TMCC1: variants seen among roughly 807,000 people sequenced by gnomAD.
The protein encoded by TMCC1 is transmembrane and coiled-coil domains protein 1.
A neutral mutation model predicts 52.4 loss-of-function variants in TMCC1; 15 were observed. The observed-to-expected ratio is 0.29, with a 90% confidence interval of 0.19 to 0.44. The LOEUF is 0.44. Ranked by LOEUF, TMCC1 falls within the 20% of genes least tolerant of loss-of-function variation. The pLI is 1.00. For missense variants in TMCC1, 503 were observed against 806.0 expected, an observed-to-expected ratio of 0.62 and a Z score of 4.55; for synonymous variants, 279 against 301.9, an observed-to-expected ratio of 0.92 and a Z score of 0.79.
rs754990199 is a variant in TMCC1, at chr3:129,670,649, C to T, written c.1192G>A (p.Val398Met). Reference sequence around the variant, plus strand: ...CCCAAAGCCTTCCCCGCATCATCCACTTGCCCTTCCTCTAAAGAGTCCTTC... The same window carrying T: ...CCCAAAGCCTTCCCCGCATCATCCATTTGCCCTTCCTCTAAAGAGTCCTTC... ...NLKDSLEEGQ[V>M]DDAGKALGVI... The change falls in exon 5 of 7, where the codon GTG becomes ATG. Residue 398 changes from valine (V) to methionine (M), a missense_variant. By Grantham distance (21) the Val-to-Met change is conservative. Transcript: ENST00000393238. The T allele has an allele frequency of 3.1e-6, 5 of 1,614,254 alleles. No individual in the cohort carries two copies. The South Asian group carries it at 5.5e-5, about 18-fold the overall frequency.
intron 4 of TMCC1, among the ~76,000 whole-genome samples, chr3:129,705,671 C>T (rs529698767): frequency 1.1e-4 from 16 of 148,792 alleles, no homozygotes; most frequent in African/African-American, 1.7e-4. Context: ...GGCGCCATCT[C>T]GGCTCACTGC....
At chr3:129,731,761 C>T (rs2050562581) in intron 4 of TMCC1, among the ~76,000 whole-genome samples, 1 of 151,914 alleles carries the variant, frequency 6.6e-6, no homozygotes, top group Admixed American at 6.6e-5. Context: ...GCTGAGACTA[C>T]AGGTGTCAGC....
intron 4 of TMCC1, among the ~76,000 whole-genome samples, chr3:129,769,252 C>T (rs991497392): frequency 2.6e-5 from 4 of 152,182 alleles, no homozygotes; most frequent in East Asian, 1.9e-4. Flanking sequence ...TGTTTTGAGA[C>T]GGAGTCTCGC....
intron 4 of TMCC1, among the ~76,000 whole-genome samples, chr3:129,718,895 G>A (rs890359491): frequency 7.2e-5 from 11 of 152,140 alleles, no homozygotes; most frequent in East Asian, 3.8e-4. Context: ...TGTTAGTTAA[G>A]CTTTGGGGGA....
chr3:129,887,568 A>G (rs190731748), intron 1 of TMCC1, among the ~76,000 whole-genome samples: 1 of 151,958 alleles, frequency 6.6e-6, no homozygotes, highest in East Asian at 1.9e-4. Context: ...ACAACAAAAA[A>G]GAACTTCTAA....
chr3:129,823,220 G>A lies in TMCC1; in HGVS notation c.576+4583C>T, dbSNP rs552300760. ...GTGCGCCTGTAATCTCAGCTACTTGGGAGGCTGAGGCAGGAGAATCGCTTG... is the reference window on the plus strand; with the variant it reads ...GTGCGCCTGTAATCTCAGCTACTTGAGAGGCTGAGGCAGGAGAATCGCTTG... On this transcript the variant is annotated intron_variant, in intron 4 of 6. Coordinates refer to ENST00000393238, the MANE Select transcript of TMCC1 (RefSeq NM_001017395.5). Among the ~76,000 whole-genome samples the A allele has an allele frequency of 2.0e-5, 3 of 152,080 alleles. No homozygotes were observed. In the East Asian group the frequency reaches 5.8e-4, roughly 29 times the overall value.
chr3:129,826,792 A>C (rs952328578), intron 4 of TMCC1, among the ~76,000 whole-genome samples: 1 of 152,212 alleles, frequency 6.6e-6, no homozygotes, highest in African/African-American at 2.4e-5. Context: ...AATAAAAAAA[A>C]ACCTAACTGT....
At chr3:129,860,429 G>T (rs535407371) in intron 2 of TMCC1, among the ~76,000 whole-genome samples, 1 of 152,008 alleles carries the variant, frequency 6.6e-6, no homozygotes, top group East Asian at 1.9e-4. Context: ...GCGGTGGGGG[G>T]AAACGGGTAA....
At chr3:129,691,271 T>C (rs1452178384) in intron 4 of TMCC1, among the ~76,000 whole-genome samples, 1 of 152,210 alleles carries the variant, frequency 6.6e-6, no homozygotes, top group Non-Finnish European at 1.5e-5. Flanking sequence ...ATTCTGGCTC[T>C]GCGTGGTGGC....
At chr3:129,688,918 G>T (rs2089611426) in intron 4 of TMCC1, among the ~76,000 whole-genome samples, 1 of 152,152 alleles carries the variant, frequency 6.6e-6, no homozygotes, top group African/African-American at 2.4e-5. Context: ...GCTTAAAGAA[G>T]ATTAAAAACA....
intron 4 of TMCC1, among the ~76,000 whole-genome samples, chr3:129,724,734 A>G (rs1326099687): frequency 6.6e-6 from 1 of 152,222 alleles, no homozygotes; most frequent in African/African-American, 2.4e-5. Flanking sequence ...AGGGCAATGC[A>G]GACATTCCTT....
At chr3:129,841,627 G>A (rs565181041) in intron 2 of TMCC1, among the ~76,000 whole-genome samples, 1 of 152,300 alleles carries the variant, frequency 6.6e-6, no homozygotes. Context: ...TATGTCATAT[G>A]TGTTCACAAA....
chr3:129,882,745 T>A (rs916751994), intron 1 of TMCC1, among the ~76,000 whole-genome samples: 1 of 152,164 alleles, frequency 6.6e-6, no homozygotes, highest in Admixed American at 6.5e-5. Context: ...CTTCAGGACA[T>A]TATATTAAGT....
At chr3:129,892,370 T>G (rs990625970) in intron 1 of TMCC1, among the ~76,000 whole-genome samples, 2 of 152,234 alleles carry the variant, frequency 1.3e-5, no homozygotes, top group Middle Eastern at 3.2e-3. Flanking sequence ...ATCCCATCTA[T>G]AAGCATCGTT....
At chr3:129,779,370 T>C (rs1168304740) in intron 4 of TMCC1, among the ~76,000 whole-genome samples, 1 of 152,180 alleles carries the variant, frequency 6.6e-6, no homozygotes, top group Non-Finnish European at 1.5e-5. Context: ...AAAACAATCC[T>C]TGAGTTCTTA....
intron 2 of TMCC1, among the ~76,000 whole-genome samples, chr3:129,846,591 T>C (rs965717529): frequency 6.6e-6 from 1 of 152,196 alleles, no homozygotes; most frequent in Non-Finnish European, 1.5e-5. Flanking sequence ...GCAACATCTT[T>C]TACCAACCAG....
intron 2 of TMCC1, among the ~76,000 whole-genome samples, chr3:129,833,059 T>A (rs1273649233): frequency 1.3e-5 from 2 of 152,162 alleles, no homozygotes; most frequent in African/African-American, 2.4e-5. Flanking sequence ...GGAAAAAATA[T>A]TAACTTAGCA....
chr3:129,864,352 C>G (rs1285909532), intron 2 of TMCC1, among the ~76,000 whole-genome samples: 1 of 152,220 alleles, frequency 6.6e-6, no homozygotes, highest in Non-Finnish European at 1.5e-5. Flanking sequence ...ATTCACCACA[C>G]CACATTTATA....
At chr3:129,831,718 T>C (rs1294580245) in intron 3 of TMCC1, among the ~76,000 whole-genome samples, 4 of 152,222 alleles carry the variant, frequency 2.6e-5, no homozygotes, top group African/African-American at 4.8e-5. Flanking sequence ...ATAAAATTGC[T>C]GACAGTAAGA....
Sources: allele counts gnomAD v4.1 joint callset (sites outside exome capture counted in the v4.1 genomes callset), GRCh38; gene constraint gnomAD v4.1.1; transcripts MANE v1.5; gene names NCBI Gene and HGNC (gene_info 2026-07-23, HGNC 2026-07-21).